The following KANK1 variants were observed in gnomAD, a reference collection of about 807,000 sequenced individuals.
The protein encoded by KANK1 is KN motif and ankyrin repeat domain-containing protein 1.
In KANK1, 109 loss-of-function variants were observed where a neutral mutation model predicts 106.2. That is an observed-to-expected ratio of 1.03 (90% CI 0.88 to 1.20). The LOEUF (loss-of-function observed/expected upper bound fraction) is 1.20, where lower values mean the gene tolerates loss of function less well. Ranked by LOEUF, KANK1 falls within the 50% of genes most tolerant of loss-of-function variation. The probability of loss-of-function intolerance (pLI) is 0.00; values close to 1 mark genes in which losing one functional copy is unlikely to be tolerated. For missense variants in KANK1, 2,399 were observed against 1,710.7 expected, an observed-to-expected ratio of 1.40 and a Z score of -7.10; for synonymous variants, 873 against 652.2, an observed-to-expected ratio of 1.34 and a Z score of -5.16.
At chr9:684,205 C>T in intron 2 of KANK1, 1 of 985,406 alleles carries the variant, frequency 1.0e-6, no homozygotes, top group Non-Finnish European at 1.2e-6. Flanking sequence ...GTCATAATGG[C>T]TTAAGCATCA....
At chr9:627,359 A>ACTCCTAGCCACAGAGCTTCTGCCCC (rs369260161) in intron 1 of KANK1, among the ~76,000 whole-genome samples, 1 of 151,786 alleles carries the variant, frequency 6.6e-6, no homozygotes, top group Non-Finnish European at 1.5e-5. Flanking sequence ...AGGATTTCTC[A>ACTCCTAGCCACAGAGCTTCTGCCCC]CTCCTAGCCA....
intron 1 of KANK1, among the ~76,000 whole-genome samples, chr9:507,815 C>T (rs2058835718): frequency 6.6e-6 from 1 of 152,098 alleles, no homozygotes; most frequent in Non-Finnish European, 1.5e-5. Context: ...CTCGGCCTCT[C>T]AAAGTGTCAG....
upstream of KANK1, among the ~76,000 whole-genome samples, chr9:502,395 A>T (rs530996886): frequency 6.6e-6 from 1 of 152,328 alleles, no homozygotes; most frequent in Non-Finnish European, 1.5e-5. Flanking sequence ...ATCCACTAAA[A>T]ATTCAGAATC....
At chr9:592,478 C>T (rs1217070684) in intron 1 of KANK1, among the ~76,000 whole-genome samples, 1 of 133,212 alleles carries the variant, frequency 7.5e-6, no homozygotes, top group South Asian at 2.2e-4. Flanking sequence ...CTGTGAGCAC[C>T]CCGATCCCCT....
At chr9:629,935 G>C (rs977674101) in intron 1 of KANK1, among the ~76,000 whole-genome samples, 4 of 152,146 alleles carry the variant, frequency 2.6e-5, no homozygotes, top group Non-Finnish European at 4.4e-5. Flanking sequence ...TGTTTTTCAA[G>C]AACAAAGGGA....
chr9:584,095 C>T (rs539623721), intron 1 of KANK1, among the ~76,000 whole-genome samples: 3 of 152,064 alleles, frequency 2.0e-5, no homozygotes, highest in African/African-American at 7.2e-5. Context: ...GGATATCTTT[C>T]TCAGCATTAC....
intron 3 of KANK1, among the ~76,000 whole-genome samples, chr9:493,705 G>A (rs1039264495): frequency 2.6e-5 from 4 of 150,962 alleles, no homozygotes; most frequent in South Asian, 2.1e-4. Context: ...ACACCACCAC[G>A]CCTGGCTAAT....
intron 1 of KANK1, among the ~76,000 whole-genome samples, chr9:666,631 T>A (rs1383386948): frequency 6.6e-6 from 1 of 152,122 alleles, no homozygotes; most frequent in Non-Finnish European, 1.5e-5. Context: ...GTACCCGGTT[T>A]GTTGAGGGTT....
At chr9:516,592 A>G (rs1164495899) in intron 1 of KANK1, among the ~76,000 whole-genome samples, 1 of 151,544 alleles carries the variant, frequency 6.6e-6, no homozygotes, top group Non-Finnish European at 1.5e-5. Context: ...GGATCTGAAA[A>G]TTGTTCATAA....
intron 3 of KANK1, among the ~76,000 whole-genome samples, chr9:487,249 A>G (rs1190426034): frequency 6.6e-6 from 1 of 152,234 alleles, no homozygotes; most frequent in African/African-American, 2.4e-5. Context: ...ATACGTGTTC[A>G]GTAGAAACCA....
intron 1 of KANK1, among the ~76,000 whole-genome samples, chr9:545,033 G>A (rs1314696000): frequency 6.6e-6 from 1 of 151,646 alleles, no homozygotes; most frequent in African/African-American, 2.4e-5. Flanking sequence ...CTGACCTTGG[G>A]GCTAGAAAAA....
chr9:680,380 C>T (rs978643018), intron 2 of KANK1, among the ~76,000 whole-genome samples: 2 of 152,096 alleles, frequency 1.3e-5, no homozygotes, highest in African/African-American at 4.8e-5. Flanking sequence ...TCTGACTTCC[C>T]CTTGGAGTCC....
intron 3 of KANK1, among the ~76,000 whole-genome samples, chr9:719,393 T>C (rs1223874495): frequency 1.3e-5 from 2 of 152,222 alleles, no homozygotes; most frequent in African/African-American, 4.8e-5. Context: ...TCCTACCTGT[T>C]CTCAATGAGT....
chr9:712,667 C>G lies in KANK1; in HGVS notation c.1901C>G (p.Ser634Cys), dbSNP rs1305877076. Reference protein sequence around the residue: ...EVRSIGCGDCSVDVTVCSPKE... With the variant: ...EVRSIGCGDCCVDVTVCSPKE... ...CGGTCTATCGGTTGTGGAGATTGTT[C>G]TGTTGACGTGACCGTCTGCTCTCCA... is the stretch of plus-strand genomic sequence containing the variant. The change falls in exon 3 of 12, where the codon TCT becomes TGT. Residue 634 changes from serine (S) to cysteine (C), a missense_variant. Ser to Cys is a moderately radical substitution (Grantham distance 112, BLOSUM62 -1). Coordinates refer to ENST00000382297, the MANE Select transcript of KANK1 (RefSeq NM_015158.5). 6 of 1,614,030 alleles carry G rather than the reference C, an allele frequency of 3.7e-6. No individual in the cohort carries two copies. Among genetic ancestry groups the G allele is most frequent in the Non-Finnish European group, 5.1e-6 (6 of 1,180,034 alleles).
At chr9:686,150 A>C (rs1450109961) in intron 2 of KANK1, among the ~76,000 whole-genome samples, 1 of 152,178 alleles carries the variant, frequency 6.6e-6, no homozygotes, top group Non-Finnish European at 1.5e-5. Flanking sequence ...TTTCTAACTA[A>C]AACCAGAAAA....
At chr9:624,678 A>C (rs1833932717) in intron 1 of KANK1, among the ~76,000 whole-genome samples, 1 of 152,090 alleles carries the variant, frequency 6.6e-6, no homozygotes, top group Non-Finnish European at 1.5e-5. Context: ...TCATTCCTGT[A>C]GTCCCAGCTA....
At chr9:531,126 A>G (rs999884220) in intron 1 of KANK1, among the ~76,000 whole-genome samples, 3 of 152,070 alleles carry the variant, frequency 2.0e-5, no homozygotes, top group Admixed American at 6.5e-5. Flanking sequence ...GGGGAAACAG[A>G]TGCTAAAACA....
At chr9:481,556 C>A (rs1007886) in intron 3 of KANK1, among the ~76,000 whole-genome samples, 3,059 of 152,270 alleles carry the variant, frequency 0.02, 91 homozygotes, top group African/African-American at 0.068. Flanking sequence ...AAACTCAAAA[C>A]TACTTTAAAA....
intron 1 of KANK1, among the ~76,000 whole-genome samples, chr9:557,921 T>C (rs3739590): frequency 0.14 from 20,999 of 152,094 alleles, 1,639 homozygotes; most frequent in East Asian, 0.29. Context: ...AGAAGGATTG[T>C]TTGAGCCTGG....
Sources: gnomAD v4.1 joint callset for allele counts (sites outside exome capture counted in the v4.1 genomes callset) on GRCh38, gnomAD v4.1.1 for gene constraint, MANE v1.5 for transcripts, NCBI Gene and HGNC (gene_info 2026-07-23, HGNC 2026-07-21) for gene names.